The following KIAA0825 variants were observed in gnomAD, a reference collection of about 807,000 sequenced individuals.
The protein encoded by KIAA0825 is uncharacterized protein KIAA0825.
A neutral mutation model predicts 147.6 loss-of-function variants in KIAA0825; 119 were observed. The ratio of observed to expected loss-of-function variants is 0.81; its 90% CI spans 0.69 to 0.94. The LOEUF is 0.94. Ranked by LOEUF, KIAA0825 falls within the 40% of genes least tolerant of loss-of-function variation. The pLI is 0.00. For missense variants in KIAA0825, 1,381 were observed against 1,472.7 expected, an observed-to-expected ratio of 0.94 and a Z score of 1.02; for synonymous variants, 470 against 518.1, an observed-to-expected ratio of 0.91 and a Z score of 1.26.
chr5:94,564,133 G>A (rs1269625973), intron 2 of KIAA0825, among the ~76,000 whole-genome samples: 1 of 151,714 alleles, frequency 6.6e-6, no homozygotes. Flanking sequence ...TTGGCTCTCA[G>A]AGCACTGTTT....
chr5:94,183,430 A>G (rs972288727), intron 20 of KIAA0825, among the ~76,000 whole-genome samples: 2 of 152,140 alleles, frequency 1.3e-5, no homozygotes, highest in Non-Finnish European at 2.9e-5. Context: ...CTGATAAAAG[A>G]GCTTCTAAGA....
intron 20 of KIAA0825, among the ~76,000 whole-genome samples, chr5:94,203,483 A>G (rs1030572800): frequency 6.6e-6 from 1 of 152,192 alleles, no homozygotes; most frequent in Non-Finnish European, 1.5e-5. Flanking sequence ...ACTGTGAATG[A>G]TCATCTTTGT....
At chr5:94,405,368 A>C (rs2150637096) in intron 15 of KIAA0825, among the ~76,000 whole-genome samples, 1 of 152,286 alleles carries the variant, frequency 6.6e-6, no homozygotes, top group Middle Eastern at 3.4e-3. Flanking sequence ...ATAAAGAATA[A>C]CCTAATGTGG....
chr5:94,528,585 C>A (rs889482630), intron 3 of KIAA0825, among the ~76,000 whole-genome samples: 1 of 152,112 alleles, frequency 6.6e-6, no homozygotes, highest in African/African-American at 2.4e-5. Context: ...TTGATAAGAA[C>A]GAGCTTCCCA....
At position 94,588,284 on chromosome 5, in the gene KIAA0825, A is replaced by G. The variant is rs1584975183; in HGVS notation, c.-152-5701T>C. ...TACAGAATGGGAGAAAATTTTTGCA[A>G]TCTACTCATCTGACAAAGGGCTAAT... On this transcript the variant is annotated intron_variant, in intron 1 of 20. Transcript: ENST00000682413. Among the ~76,000 whole-genome samples, 8 of 152,326 alleles carry G rather than the reference A, an allele frequency of 5.3e-5. 1 individual carries two copies. The South Asian group carries it at 1.7e-3, about 32-fold the overall frequency.
chr5:94,501,163 A>T (rs776920282), intron 5 of KIAA0825, among the ~76,000 whole-genome samples: 21 of 152,262 alleles, frequency 1.4e-4, no homozygotes, highest in Admixed American at 7.2e-4. Context: ...GCATTGATTT[A>T]AAAATAAAAA....
In KIAA0825 at chr5:94,462,409, A is replaced by G; in HGVS notation, c.2224T>C (p.Ser742Pro). ...NLFTTLVILT[S>P]PLTELYKTFQ... ...TACTTATATAATTCTGTTAATGGTG[A>G]AGTCAAAATGACTAATGTTGTAAAC... Residue 742 changes from serine (S) to proline (P), a missense_variant, in exon 12 of 21, where the codon TCA becomes CCA. Ser to Pro is a moderately conservative substitution (Grantham distance 74). Coordinates refer to ENST00000682413, the MANE Select transcript of KIAA0825 (RefSeq NM_001145678.3). The G allele has an allele frequency of 6.9e-7, 1 of 1,447,242 alleles. No individual in the cohort carries two copies. The highest frequency in any genetic ancestry group is 9.4e-7 in the Non-Finnish European group (1 of 1,065,002). The allele number at this position is 1,447,242 out of a possible 1,614,324, so 89.7% of individuals were successfully genotyped here. A position where few individuals can be genotyped will look rare whatever the true frequency, so the allele number is the denominator to read the frequency against.
intron 20 of KIAA0825, among the ~76,000 whole-genome samples, chr5:94,205,577 C>A (rs1562312168): frequency 6.6e-6 from 1 of 152,106 alleles, no homozygotes; most frequent in Non-Finnish European, 1.5e-5. Flanking sequence ...AGGCGTGAGC[C>A]ACCATGCCCG....
At chr5:94,565,094 C>A in intron 2 of KIAA0825, among the ~76,000 whole-genome samples, 2 of 51,942 alleles carry the variant, frequency 3.9e-5, no homozygotes, top group South Asian at 4.8e-4. Context: ...TTCTTGCTTT[C>A]CTTTTTTTTT....
Position 94,192,845 on chromosome 5 carries a change from C to T in KIAA0825, c.3711-38721G>A, listed in dbSNP as rs115153226. Among the ~76,000 whole-genome samples, 96 of 152,246 alleles carry T rather than the reference C, an allele frequency of 6.3e-4. 1 individual carries two copies. Among genetic ancestry groups the T allele is most frequent in the African/African-American group, 2.3e-3 (94 of 41,548 alleles). On this transcript the variant is annotated intron_variant, in intron 20 of 20. Coordinates refer to ENST00000682413, the MANE Select transcript of KIAA0825 (RefSeq NM_001145678.3). ...AGCTCTTTGCCACAGAAACCTTACCCTTTTATATGTGGAGTTGGCTTTCTC... is the reference window on the plus strand; with the variant it reads ...AGCTCTTTGCCACAGAAACCTTACCTTTTTATATGTGGAGTTGGCTTTCTC...
At chr5:94,559,431 AAT>A (rs1430023425) in intron 2 of KIAA0825, among the ~76,000 whole-genome samples, 1 of 152,242 alleles carries the variant, frequency 6.6e-6, no homozygotes, top group African/African-American at 2.4e-5. Flanking sequence ...CTCTCTTTAA[AAT>A]AGGACACAAA....
chr5:94,229,057 A>G (rs1215226093), intron 20 of KIAA0825, among the ~76,000 whole-genome samples: 1 of 152,100 alleles, frequency 6.6e-6, no homozygotes, highest in Non-Finnish European at 1.5e-5. Context: ...TTTAATCCAG[A>G]CTGTCTAGAC....
intron 2 of KIAA0825, among the ~76,000 whole-genome samples, chr5:94,577,708 A>G (rs918226378): frequency 7.2e-5 from 11 of 152,240 alleles, no homozygotes; most frequent in African/African-American, 2.4e-4. Flanking sequence ...ACACCAAACC[A>G]TTATTCCCCT....
intron 6 of KIAA0825, among the ~76,000 whole-genome samples, chr5:94,482,892 T>C (rs1205582638): frequency 6.6e-6 from 1 of 152,030 alleles, no homozygotes; most frequent in East Asian, 1.9e-4. Context: ...TGTGTTCATA[T>C]AGTTCACTAT....
At chr5:94,592,445 T>C (rs543909895) in intron 1 of KIAA0825, among the ~76,000 whole-genome samples, 1 of 152,182 alleles carries the variant, frequency 6.6e-6, no homozygotes, top group Non-Finnish European at 1.5e-5. Flanking sequence ...GGGGGCAAGC[T>C]CTATCATGGG....
chr5:94,183,010 C>G (rs1410288508), intron 20 of KIAA0825, among the ~76,000 whole-genome samples: 1 of 152,126 alleles, frequency 6.6e-6, no homozygotes, highest in Non-Finnish European at 1.5e-5. Flanking sequence ...TATCTTAGCA[C>G]AGAAGAGCAA....
intron 20 of KIAA0825, among the ~76,000 whole-genome samples, chr5:94,342,883 T>C (rs1782569831): frequency 6.6e-6 from 1 of 152,288 alleles, no homozygotes; most frequent in East Asian, 1.9e-4. Flanking sequence ...AAAAATGTTC[T>C]AGTAAAATTA....
At chr5:94,274,936 T>A (rs987168219) in intron 20 of KIAA0825, among the ~76,000 whole-genome samples, 1 of 152,112 alleles carries the variant, frequency 6.6e-6, no homozygotes, top group Non-Finnish European at 1.5e-5. Context: ...TGGAATACAC[T>A]GATTGGCTCA....
chr5:94,200,299 C>T (rs759616522), intron 20 of KIAA0825, among the ~76,000 whole-genome samples: 1 of 152,174 alleles, frequency 6.6e-6, no homozygotes, highest in Non-Finnish European at 1.5e-5. Flanking sequence ...AGGAGCTCCT[C>T]AGGGCCAGGA....
Sources: allele counts gnomAD v4.1 joint callset (sites outside exome capture counted in the v4.1 genomes callset), GRCh38; gene constraint gnomAD v4.1.1; transcripts MANE v1.5; gene names NCBI Gene and HGNC (gene_info 2026-07-23, HGNC 2026-07-21).